Variants in OOSP1 observed in about 807,000 individuals in gnomAD.
The protein encoded by OOSP1 is putative oocyte-secreted protein 1 homolog.
A neutral mutation model predicts 5.7 loss-of-function variants in OOSP1; 11 were observed. The ratio of observed to expected loss-of-function variants is 1.94; its 90% confidence interval spans 1.22 to 3.20. OOSP1 has a LOEUF of 3.20. Among genes scored for constraint, OOSP1 ranks in the 30% most tolerant of loss-of-function variants. OOSP1 has a pLI of 0.00. For missense variants in OOSP1, 83 were observed against 54.1 expected, an observed-to-expected ratio of 1.53 and a Z score of -1.67; for synonymous variants, 44 against 20.0, an observed-to-expected ratio of 2.20 and a Z score of -3.20.
intron 1 of OOSP1, 137 bp downstream of exon 1, chr11:59,938,667 G>A (rs1278567140): frequency 5.0e-6 from 2 of 402,542 alleles, no homozygotes; most frequent in Non-Finnish European, 8.8e-6. Flanking sequence ...TCTTTTCGAT[G>A]TGCAATCTTG....
intron 4 of OOSP1, among the ~76,000 whole-genome samples, chr11:59,956,034 A>T (rs570293137): frequency 6.6e-6 from 1 of 152,090 alleles, no homozygotes; most frequent in Non-Finnish European, 1.5e-5. Context: ...CCACTCAAAG[A>T]ATGACATGTG....
At chr11:59,938,471 G>T in exon 1 of OOSP1, 1 of 626,394 alleles carries the variant, frequency 1.6e-6, no homozygotes, top group South Asian at 1.9e-5. Context: ...ACCATTCTGG[G>T]GTTCAAAGGG....
intron 4 of OOSP1, chr11:59,948,789 G>C (rs926692863): frequency 2.5e-6 from 1 of 398,012 alleles, no homozygotes; most frequent in African/African-American, 2.1e-5. Context: ...TTGATATTGA[G>C]AGGCAATTTG....
chr11:59,952,570 T>G (rs970124116), intron 4 of OOSP1, among the ~76,000 whole-genome samples: 8 of 152,152 alleles, frequency 5.3e-5, no homozygotes, highest in African/African-American at 1.7e-4. Flanking sequence ...CACTTATAAG[T>G]GGGAGCCAAG....
chr11:59,938,652 G>A, intron 1 of OOSP1, 122 bp downstream of exon 1: 1 of 403,364 alleles, frequency 2.5e-6, no homozygotes, highest in South Asian at 1.2e-4. Context: ...TGGAGGGGTG[G>A]TGCCTCTTTT....
intron 3 of OOSP1, among the ~76,000 whole-genome samples, chr11:59,946,014 G>C (rs1164695519): frequency 1.3e-5 from 2 of 152,010 alleles, no homozygotes; most frequent in African/African-American, 4.8e-5. Flanking sequence ...TGTATCATGA[G>C]ACCAGCACCA....
intron 4 of OOSP1, chr11:59,948,750 T>C (rs1479105392): frequency 5.0e-6 from 2 of 398,060 alleles, no homozygotes; most frequent in Middle Eastern, 6.2e-4. Context: ...AGTACCTTTA[T>C]TGCAAGAGAA....
At chr11:59,945,616 G>C (rs963826219) in intron 3 of OOSP1, among the ~76,000 whole-genome samples, 1 of 151,478 alleles carries the variant, frequency 6.6e-6, no homozygotes, top group Non-Finnish European at 1.5e-5. Context: ...TGGGCATGGT[G>C]GGGGGTTGCC....
Position 59,951,178 on chromosome 11 carries a change from T to A in OOSP1, c.486+3316T>A, listed in dbSNP as rs114677775. Among the ~76,000 whole-genome samples, 1,111 of 151,820 alleles carry A rather than the reference T, an allele frequency of 7.3e-3. 20 individuals carry two copies. The highest frequency in any genetic ancestry group is 0.025 in the African/African-American group (1,029 of 41,410). On this transcript the variant is annotated intron_variant, in intron 4 of 4. Coordinates refer to ENST00000646685, the Ensembl canonical transcript of OOSP1. ...AAGGTGGGTAGAAGGTTGAGGCACA[T>A]CAGTAAGTCAGGTGGGGTAACCTCG...
exon 3 of OOSP1, chr11:59,945,204 C>T: frequency 1.4e-6 from 1 of 702,946 alleles, no homozygotes; most frequent in Non-Finnish European, 2.6e-6. Context: ...AAACTAAAAT[C>T]AGGTATATCT....
At chr11:59,954,250 G>C (rs2134575515) in intron 4 of OOSP1, among the ~76,000 whole-genome samples, 1 of 152,274 alleles carries the variant, frequency 6.6e-6, no homozygotes, top group Non-Finnish European at 1.5e-5. Flanking sequence ...CAATGTAACT[G>C]TATGCATTTT....
intron 4 of OOSP1, among the ~76,000 whole-genome samples, chr11:59,951,035 CCAAA>C (rs1171522921): frequency 6.6e-6 from 1 of 151,150 alleles, no homozygotes; most frequent in Non-Finnish European, 1.5e-5. Context: ...GTAAAAAGTC[CCAAA>C]CATTTATAAT....
At chr11:59,943,472 A>G (rs1208631089) in intron 2 of OOSP1, among the ~76,000 whole-genome samples, 1 of 152,236 alleles carries the variant, frequency 6.6e-6, no homozygotes, top group Non-Finnish European at 1.5e-5. Context: ...GATCACATTT[A>G]GGACAGAAGC....
intron 4 of OOSP1, 42 bp from the exon 5 acceptor site, chr11:59,957,153 T>A: frequency 2.5e-6 from 1 of 397,186 alleles, no homozygotes; most frequent in Non-Finnish European, 4.4e-6. Context: ...TTAACTGTAA[T>A]GTAATTGATG....
chr11:59,941,233 C>T lies in OOSP1; in HGVS notation c.77-1614C>T, dbSNP rs529027317. On this transcript the variant is annotated intron_variant, in intron 1 of 4. Transcript: ENST00000646685. ...CCTTGAAGATTCATCCAAGATGTTG[C>T]GTGTATCAACACTTGATTCTTTTTA... Among the ~76,000 whole-genome samples, 6 of 152,138 alleles carry T rather than the reference C, an allele frequency of 3.9e-5. No homozygotes were observed. The South Asian group carries it at 8.3e-4, about 21-fold the overall frequency.
exon 1 of OOSP1, chr11:59,938,476 A>G (rs1414221710): frequency 9.5e-6 from 6 of 631,100 alleles, no homozygotes; most frequent in Non-Finnish European, 1.7e-5. Context: ...TCTGGGGTTC[A>G]AAGGGCTCTT....
At chr11:59,949,960 C>T (rs978125538) in intron 4 of OOSP1, among the ~76,000 whole-genome samples, 1 of 152,106 alleles carries the variant, frequency 6.6e-6, no homozygotes, top group Admixed American at 6.6e-5. Context: ...TGTATAGACC[C>T]AGGGATGCTG....
At chr11:59,945,356 A>T (rs1188753953) in intron 3 of OOSP1, 90 bp downstream of exon 3, 1 of 700,926 alleles carries the variant, frequency 1.4e-6, no homozygotes, top group East Asian at 2.7e-5. Context: ...TAAATGGTAC[A>T]ACCAGTGATG....
chr11:59,951,484 C>T (rs1236291288), intron 4 of OOSP1, among the ~76,000 whole-genome samples: 3 of 152,002 alleles, frequency 2.0e-5, no homozygotes, highest in Non-Finnish European at 1.5e-5. Flanking sequence ...TAAAGTCACA[C>T]GAGGCAGCGG....
Sources: allele counts gnomAD v4.1 joint callset (sites outside exome capture counted in the v4.1 genomes callset), GRCh38; gene constraint gnomAD v4.1.1; transcripts MANE v1.5; gene names NCBI Gene and HGNC (gene_info 2026-07-23, HGNC 2026-07-21).